Variants in MFAP3L observed in about 807,000 individuals in gnomAD.
MFAP3L encodes microfibrillar-associated protein 3-like.
Under a neutral mutation model 20.0 loss-of-function variants are expected in MFAP3L, and 5 were observed. The ratio of observed to expected loss-of-function variants is 0.25; its 90% CI spans 0.13 to 0.53. The LOEUF (loss-of-function observed/expected upper bound fraction) is 0.53, where lower values mean the gene tolerates loss of function less well. Ranked by LOEUF, MFAP3L falls within the 20% of genes least tolerant of loss-of-function variation. The pLI is 0.96. For synonymous variants in MFAP3L, 219 were observed against 213.0 expected, an observed-to-expected ratio of 1.03 and a Z score of -0.25; for missense variants, 409 against 527.5, an observed-to-expected ratio of 0.78 and a Z score of 2.20.
At chr4:170,020,023 T>C (rs1329075609) in intron 1 of MFAP3L, among the ~76,000 whole-genome samples, 1 of 152,252 alleles carries the variant, frequency 6.6e-6, no homozygotes, top group Non-Finnish European at 1.5e-5. Flanking sequence ...ACAAAGTCTG[T>C]GCCCTGTGAT....
At chr4:170,010,246 T>C (rs1179610488) in intron 1 of MFAP3L, among the ~76,000 whole-genome samples, 1 of 152,200 alleles carries the variant, frequency 6.6e-6, no homozygotes, top group Non-Finnish European at 1.5e-5. Context: ...TCATAATGAA[T>C]TCAAAATATC....
rs1290348294 is a variant in MFAP3L, at chr4:169,989,207, A to T, written c.*2171T>A. ...ATGCTAGTCCAGAAAGCCCAACAGGAGTCATAATTTCTCCTGATTTCTCAC... is the reference window on the plus strand; with the variant it reads ...ATGCTAGTCCAGAAAGCCCAACAGGTGTCATAATTTCTCCTGATTTCTCAC... On this transcript the variant is annotated 3_prime_UTR_variant, in exon 3 of 3. Transcript: ENST00000361618. 6.6e-6 allele frequency: 1 copy of T among 152,170 alleles called. No individual in the cohort carries two copies. The highest frequency in any genetic ancestry group is 1.5e-5 in the Non-Finnish European group (1 of 68,030). 9.4% of individuals were successfully genotyped at this position (152,170 alleles called of 1,614,324 possible). A position where few individuals can be genotyped will look rare whatever the true frequency, so the allele number is the denominator to read the frequency against.
chr4:170,012,959 TA>T (rs1431109710), intron 1 of MFAP3L, among the ~76,000 whole-genome samples: 1 of 152,160 alleles, frequency 6.6e-6, no homozygotes, highest in Admixed American at 6.5e-5. Flanking sequence ...TTTATGCTGT[TA>T]TTTTTTTTTT....
intron 1 of MFAP3L, among the ~76,000 whole-genome samples, chr4:170,009,896 G>A (rs748626878): frequency 1.3e-5 from 2 of 152,152 alleles, no homozygotes; most frequent in East Asian, 1.9e-4. Context: ...GAATATTATT[G>A]TTTTTTCTTG....
chr4:170,018,657 T>C (rs1434831805), intron 1 of MFAP3L, among the ~76,000 whole-genome samples: 1 of 152,174 alleles, frequency 6.6e-6, no homozygotes, highest in African/African-American at 2.4e-5. Context: ...TTTCTGGAAA[T>C]GAATTTCAAG....
chr4:170,001,122 A>G (rs1453877991), intron 2 of MFAP3L, among the ~76,000 whole-genome samples: 1 of 152,214 alleles, frequency 6.6e-6, no homozygotes, highest in East Asian at 1.9e-4. Flanking sequence ...GGTAAAGGAT[A>G]ATTTACATCT....
chr4:169,993,688 A>C (rs1737917413), intron 2 of MFAP3L: 3 of 151,142 alleles, frequency 2.0e-5, no homozygotes, highest in African/African-American at 7.3e-5. Context: ...CCCACTGGCC[A>C]GGGGGAATCT....
chr4:170,012,203 G>A (rs957741658), intron 1 of MFAP3L, among the ~76,000 whole-genome samples: 7 of 152,156 alleles, frequency 4.6e-5, no homozygotes, highest in Non-Finnish European at 1.0e-4. Flanking sequence ...AAATGAACGG[G>A]GGCCTGAACC....
At chr4:170,021,752 A>G (rs1315479386) in intron 1 of MFAP3L, among the ~76,000 whole-genome samples, 1 of 152,236 alleles carries the variant, frequency 6.6e-6, no homozygotes, top group Non-Finnish European at 1.5e-5. Flanking sequence ...CCTTGTACAT[A>G]AGAGAGACTA....
chr4:170,007,467 G>A (rs991002617), intron 1 of MFAP3L, among the ~76,000 whole-genome samples: 19 of 152,160 alleles, frequency 1.2e-4, no homozygotes, highest in Non-Finnish European at 2.6e-4. Context: ...ACCTTCGCTG[G>A]CTGTGTGTCT....
chr4:170,006,392 C>A (rs1581493660), intron 1 of MFAP3L, among the ~76,000 whole-genome samples: 1 of 152,102 alleles, frequency 6.6e-6, no homozygotes, highest in Admixed American at 6.5e-5. Context: ...GGATTACAGG[C>A]GTGAGCCACC....
chr4:169,988,764 C>A lies in MFAP3L; in HGVS notation c.*2614G>T, dbSNP rs2110886056. On this transcript the variant is annotated 3_prime_UTR_variant, in exon 3 of 3. Transcript: ENST00000361618. ...AACCTCCCTTTATGTCAGTTGTTAT[C>A]AAAACCGAGAGCATTATGATGCCTT... is the stretch of plus-strand genomic sequence containing the variant. 6.6e-6 allele frequency: 1 copy of A among 152,230 alleles called. No individual in the cohort carries two copies. Among genetic ancestry groups the A allele is most frequent in the South Asian group, 2.1e-4 (1 of 4,822 alleles). The allele number at this position is 152,230 out of a possible 1,614,324, so 9.4% of individuals were successfully genotyped here.
Position 170,005,764 on chromosome 4 carries a change from G to A in MFAP3L, c.114C>T (p.Gly38=), listed in dbSNP as rs1405677411. The change falls in exon 2 of 3, where the codon GGC becomes GGT. Residue 38 remains glycine, a synonymous_variant. Transcript: ENST00000361618. ...AKSVTNSTLN[G]TNVVLGSVPV... ...GCACAGAGCCCAAGACCACGTTAGT[G>A]CCATTTAAAGTGCTGTTAGTCACAC... is the stretch of plus-strand genomic sequence containing the variant. The A allele has an allele frequency of 1.2e-6, 2 of 1,614,212 alleles. No homozygotes were observed. Among genetic ancestry groups the A allele is most frequent in the African/African-American group, 1.3e-5 (1 of 75,058 alleles).
chr4:170,013,984 T>C lies in MFAP3L; in HGVS notation c.-133-7974A>G, dbSNP rs1222611064. Among the ~76,000 whole-genome samples, 6 of 152,338 alleles carry C rather than the reference T, an allele frequency of 3.9e-5. No homozygotes were observed. In the East Asian group the frequency reaches 1.2e-3, roughly 29 times the overall value. ...GGACAGACACACTGATGCAGGGGCC[T>C]TTATGCTGCCAGGCCAATCCCTAAA... On this transcript the variant is annotated intron_variant, in intron 1 of 2. Coordinates refer to ENST00000361618, the MANE Select transcript of MFAP3L (RefSeq NM_021647.8).
rs560470327 is a variant in MFAP3L at position 169,989,502 on chromosome 4, T to C, written c.*1876A>G. 3.3e-5 allele frequency: 5 copies of C among 152,350 alleles called. No homozygotes were observed. Among genetic ancestry groups the C allele is most frequent in the African/African-American group, 1.2e-4 (5 of 41,580 alleles). 9.4% of individuals were successfully genotyped at this position (152,350 alleles called of 1,614,324 possible). A position where few individuals can be genotyped will look rare whatever the true frequency, so the allele number is the denominator to read the frequency against. ...CTTGTCTCATGCAACGGGGGTTGGT[T>C]ATCCTGGAAGACTGCAAACTTTCTG... On this transcript the variant is annotated 3_prime_UTR_variant, in exon 3 of 3. Transcript: ENST00000361618.
At chr4:170,022,738 G>A (rs1740113388) in intron 1 of MFAP3L, among the ~76,000 whole-genome samples, 1 of 152,138 alleles carries the variant, frequency 6.6e-6, no homozygotes, top group Non-Finnish European at 1.5e-5. Flanking sequence ...GATTGGACTG[G>A]CCGCTCTGAG....
At position 169,990,288 on chromosome 4, in the gene MFAP3L, T is replaced by A. The variant is rs1444668425; in HGVS notation, c.*1090A>T. On this transcript the variant is annotated 3_prime_UTR_variant, in exon 3 of 3. Coordinates refer to ENST00000361618, the MANE Select transcript of MFAP3L (RefSeq NM_021647.8). ...CTGATGGCACAGTTCCCTTTGCTATTACCCTAACCTTTCGCTTTCCTCTTT... is the reference window on the plus strand; with the variant it reads ...CTGATGGCACAGTTCCCTTTGCTATAACCCTAACCTTTCGCTTTCCTCTTT... 1.3e-5 allele frequency: 2 copies of A among 152,238 alleles called. No homozygotes were observed. Among genetic ancestry groups the A allele is most frequent in the Non-Finnish European group, 2.9e-5 (2 of 68,044 alleles). 9.4% of individuals were successfully genotyped at this position (152,238 alleles called of 1,614,324 possible). A position where few individuals can be genotyped will look rare whatever the true frequency, so the allele number is the denominator to read the frequency against.
chr4:169,998,197 G>A (rs1212225697), intron 2 of MFAP3L, among the ~76,000 whole-genome samples: 1 of 152,198 alleles, frequency 6.6e-6, no homozygotes, highest in Non-Finnish European at 1.5e-5. Context: ...ACGTGGTATG[G>A]CCCAATGTCT....
chr4:169,996,019 C>T (rs1560969541), intron 2 of MFAP3L, among the ~76,000 whole-genome samples: 1 of 134,086 alleles, frequency 7.5e-6, no homozygotes, highest in Non-Finnish European at 1.6e-5. Context: ...CCCCCCACCC[C>T]CCACCCTGAA....
Sources: allele counts gnomAD v4.1 joint callset (sites outside exome capture counted in the v4.1 genomes callset), GRCh38; gene constraint gnomAD v4.1.1; transcripts MANE v1.5; gene names NCBI Gene and HGNC (gene_info 2026-07-23, HGNC 2026-07-21).